The following BMPR1B variants were observed in gnomAD, a reference collection of about 807,000 sequenced individuals.
BMPR1B encodes bone morphogenetic protein receptor type 1B.
Under a neutral mutation model 59.1 loss-of-function variants are expected in BMPR1B, and 12 were observed. That is an observed-to-expected ratio of 0.20 (90% CI 0.13 to 0.33). The LOEUF (loss-of-function observed/expected upper bound fraction) is 0.33. BMPR1B is among the 10% of genes least tolerant of loss of function. BMPR1B has a pLI of 1.00. For missense variants in BMPR1B, 550 were observed against 610.9 expected (o/e 0.90, Z 1.05); for synonymous variants, 237 against 207.3 (o/e 1.14, Z -1.23).
At chr4:95,122,809 A>T (rs1410238031) in intron 6 of BMPR1B, among the ~76,000 whole-genome samples, 1 of 152,198 alleles carries the variant, frequency 6.6e-6, no homozygotes, top group Non-Finnish European at 1.5e-5. Flanking sequence ...AAAGGTATAT[A>T]GTACAGTTGG....
chr4:94,876,386 G>GC (rs1255827218), intron 2 of BMPR1B, among the ~76,000 whole-genome samples: 1 of 152,154 alleles, frequency 6.6e-6, no homozygotes, highest in African/African-American at 2.4e-5. Flanking sequence ...GACTTCAGAG[G>GC]CCCTACCTCT....
In BMPR1B at chr4:94,794,045, G is replaced by A. The variant is rs1327134047; in HGVS notation, c.-183+35977G>A. Reference sequence around the variant, plus strand: ...TAATTAGATCCCATTTGTCAATTTTGGCTTTTGTTGCCATTGCTTTTGGTG... The same window carrying A: ...TAATTAGATCCCATTTGTCAATTTTAGCTTTTGTTGCCATTGCTTTTGGTG... On this transcript the variant is annotated intron_variant, in intron 1 of 12. Coordinates refer to ENST00000515059, the MANE Select transcript of BMPR1B (RefSeq NM_001203.3). Among the ~76,000 whole-genome samples, 6 of 149,512 alleles carry A rather than the reference G, an allele frequency of 4.0e-5. 1 individual carries two copies. The highest frequency in any genetic ancestry group is 4.3e-4 in the South Asian group (2 of 4,648).
intron 2 of BMPR1B, among the ~76,000 whole-genome samples, chr4:94,929,326 C>G (rs28521217): frequency 0.39 from 59,958 of 151,868 alleles, 13,024 homozygotes; most frequent in African/African-American, 0.59. Context: ...TGTGCCGTGA[C>G]CTATGCTAGA....
intron 2 of BMPR1B, among the ~76,000 whole-genome samples, chr4:94,946,996 G>A (rs577988014): frequency 1.8e-4 from 27 of 152,156 alleles, no homozygotes; most frequent in South Asian, 1.7e-3. Context: ...AGGTTGCAGC[G>A]AGCCGAGATC....
intron 2 of BMPR1B, among the ~76,000 whole-genome samples, chr4:94,984,205 T>A (rs1272970980): frequency 2.6e-5 from 4 of 152,228 alleles, no homozygotes; most frequent in Admixed American, 2.0e-4. Flanking sequence ...AATAAGGTTT[T>A]CATCACTCAC....
rs1553940491 is a variant in BMPR1B, at chr4:95,120,634, C to CTTCCTTCCTTCT, written c.350-3165_350-3164insTTTCCTTCCTTC. 2.2e-4 allele frequency among the ~76,000 whole-genome samples: 32 copies of CTTCCTTCCTTCT among 143,638 alleles called. No individual in the cohort carries two copies. In the South Asian group the frequency reaches 6.8e-3, roughly 31 times the overall value. The allele number at this position is 143,638 out of a possible 152,430, so 94.2% of individuals were successfully genotyped here. A position where few individuals can be genotyped will look rare whatever the true frequency, so the allele number is the denominator to read the frequency against. On this transcript the variant is annotated intron_variant, in intron 6 of 12. Coordinates refer to ENST00000515059, the MANE Select transcript of BMPR1B (RefSeq NM_001203.3). ...CTTTCCTTCCTTCCTTCCTTCCTTC[C>CTTCCTTCCTTCT]TTCCTTCCTTCCTTCCTTTCCTTCC... is the stretch of plus-strand genomic sequence containing the variant.
rs375481158 is a variant in BMPR1B, at chr4:94,888,427, C to T, written c.-113+12527C>T. ...TCTTTGTTGTGTAGGCAATATTCTA[C>T]TGTAGGCAGATGTTAAAGGACCATA... On this transcript the variant is annotated intron_variant, in intron 2 of 12. Coordinates refer to ENST00000515059, the MANE Select transcript of BMPR1B (RefSeq NM_001203.3). Among the ~76,000 whole-genome samples, 29 of 152,146 alleles carry T rather than the reference C, an allele frequency of 1.9e-4. No individual in the cohort carries two copies. In the South Asian group the frequency reaches 4.3e-3, roughly 23 times the overall value.
intron 3 of BMPR1B, among the ~76,000 whole-genome samples, chr4:95,097,915 T>C (rs977270973): frequency 5.3e-5 from 8 of 152,164 alleles, no homozygotes; most frequent in Non-Finnish European, 7.3e-5. Context: ...TTACATTTAA[T>C]TTTTTTAATG....
chr4:95,007,897 A>G (rs977874479), intron 3 of BMPR1B, among the ~76,000 whole-genome samples: 6 of 152,328 alleles, frequency 3.9e-5, no homozygotes, highest in Non-Finnish European at 8.8e-5. Context: ...GTCATTTAAG[A>G]AAAAAGTTAT....
At chr4:95,080,444 C>G (rs916437648) in intron 3 of BMPR1B, among the ~76,000 whole-genome samples, 8 of 152,098 alleles carry the variant, frequency 5.3e-5, no homozygotes, top group African/African-American at 1.7e-4. Context: ...CCATGTTAGC[C>G]AGGCTGGTCT....
chr4:95,090,746 G>A (rs1729918394), intron 3 of BMPR1B, among the ~76,000 whole-genome samples: 2 of 151,970 alleles, frequency 1.3e-5, no homozygotes, highest in Non-Finnish European at 2.9e-5. Context: ...ATATGGACTA[G>A]TTAGAGGCTT....
In BMPR1B at chr4:94,832,340, A is replaced by G. The variant is rs61326320; in HGVS notation, c.-182-43491A>G. 3.7e-3 allele frequency among the ~76,000 whole-genome samples: 565 copies of G among 152,314 alleles called. 4 individuals carry two copies. Among genetic ancestry groups the G allele is most frequent in the African/African-American group, 0.012 (513 of 41,566 alleles). On this transcript the variant is annotated intron_variant, in intron 1 of 12. Transcript: ENST00000515059. Reference sequence around the variant, plus strand: ...ACATTTCTCAGAACCTATTTCTGCCATTAAGTGATGTATTACTGTTTATTA... The same window carrying G: ...ACATTTCTCAGAACCTATTTCTGCCGTTAAGTGATGTATTACTGTTTATTA...
At chr4:94,871,168 TAGA>T (rs1195068597) in intron 1 of BMPR1B, among the ~76,000 whole-genome samples, 11 of 152,200 alleles carry the variant, frequency 7.2e-5, no homozygotes, top group Non-Finnish European at 1.5e-4. Flanking sequence ...AACATAAAGC[TAGA>T]ATTCATACCC....
chr4:94,901,573 A>G (rs2149000434), intron 2 of BMPR1B, among the ~76,000 whole-genome samples: 1 of 152,092 alleles, frequency 6.6e-6, no homozygotes, highest in African/African-American at 2.4e-5. Context: ...CCATGTATTC[A>G]CTTCCCTGAA....
At chr4:95,079,813 A>T (rs1164644962) in intron 3 of BMPR1B, among the ~76,000 whole-genome samples, 1 of 152,032 alleles carries the variant, frequency 6.6e-6, no homozygotes, top group African/African-American at 2.4e-5. Context: ...AACAAAAGCT[A>T]TCAAATAGGC....
chr4:94,924,498 A>G (rs1326725054), intron 2 of BMPR1B, among the ~76,000 whole-genome samples: 1 of 152,118 alleles, frequency 6.6e-6, no homozygotes, highest in Non-Finnish European at 1.5e-5. Context: ...CAAAACAAGG[A>G]CTATGATAAA....
chr4:94,863,296 G>A (rs1382933374), intron 1 of BMPR1B, among the ~76,000 whole-genome samples: 1 of 151,970 alleles, frequency 6.6e-6, no homozygotes, highest in Non-Finnish European at 1.5e-5. Flanking sequence ...TTTATCTATA[G>A]AACAAACCTG....
intron 2 of BMPR1B, among the ~76,000 whole-genome samples, chr4:94,881,263 C>T (rs949291113): frequency 5.3e-5 from 8 of 152,068 alleles, no homozygotes; most frequent in African/African-American, 1.9e-4. Flanking sequence ...TTGGCTGTAA[C>T]GTTACTATTG....
At chr4:94,887,403 C>CAAAAAAAAAAA (rs57818132) in intron 2 of BMPR1B, among the ~76,000 whole-genome samples, 9 of 54,806 alleles carry the variant, frequency 1.6e-4, no homozygotes, top group Non-Finnish European at 2.1e-4. Flanking sequence ...CACCCCCCAC[C>CAAAAAAAAAAA]AAAAAAAAAA....
Sources: allele counts gnomAD v4.1 joint callset (sites outside exome capture counted in the v4.1 genomes callset), GRCh38; gene constraint gnomAD v4.1.1; transcripts MANE v1.5; gene names NCBI Gene and HGNC (gene_info 2026-07-23, HGNC 2026-07-21).